The following FMN1 variants were observed in gnomAD, a reference collection of about 807,000 sequenced individuals.
FMN1 encodes formin-1.
FMN1 carries 110 observed loss-of-function variants against 132.4 expected under a neutral mutation model. The observed-to-expected ratio is 0.83, with a 90% confidence interval of 0.71 to 0.97. The LOEUF (loss-of-function observed/expected upper bound fraction) is 0.97. FMN1 is among the 50% of genes least tolerant of loss of function. The pLI, the probability that FMN1 is intolerant of heterozygous loss-of-function variation, is 0.00. For missense variants in FMN1, 1,792 were observed against 1,705.3 expected (o/e 1.05, Z -0.90); for synonymous variants, 722 against 651.7 (o/e 1.11, Z -1.64).
chr15:32,908,286 A>C (rs1396912749), intron 12 of FMN1: 2 of 506,138 alleles, frequency 4.0e-6, no homozygotes, highest in East Asian at 6.4e-5. Context: ...GGGGGGTGAG[A>C]CACACTGTAT....
chr15:32,823,146 TCTA>T lies in FMN1; in HGVS notation c.3929-18817_3929-18815del, dbSNP rs1398106383. On this transcript the variant is annotated intron_variant, in intron 17 of 20. Coordinates refer to ENST00000616417, the MANE Select transcript of FMN1 (RefSeq NM_001277313.2). Reference sequence around the variant, plus strand: ...TGGTCTGTCTCAAAGACAGAGAGTTTCTACTGTTTTTTTTTTTTTTTTTTTTTT... The same window carrying T: ...TGGTCTGTCTCAAAGACAGAGAGTTTCTGTTTTTTTTTTTTTTTTTTTTTT... 6.6e-5 allele frequency among the ~76,000 whole-genome samples: 9 copies of T among 135,652 alleles called. No individual in the cohort carries two copies. In the South Asian group the frequency reaches 2.1e-3, roughly 31 times the overall value. 89.0% of individuals were successfully genotyped at this position (135,652 alleles called of 152,430 possible). A position where few individuals can be genotyped will look rare whatever the true frequency, so the allele number is the denominator to read the frequency against.
chr15:32,982,840 C>A (rs546627621), intron 7 of FMN1, among the ~76,000 whole-genome samples: 1 of 152,104 alleles, frequency 6.6e-6, no homozygotes, highest in Non-Finnish European at 1.5e-5. Flanking sequence ...CCCCAGCCCT[C>A]CTGAATCTCA....
intron 9 of FMN1, among the ~76,000 whole-genome samples, chr15:32,930,836 A>C (rs929731017): frequency 6.6e-6 from 1 of 152,024 alleles, no homozygotes; most frequent in Non-Finnish European, 1.5e-5. Context: ...TCTCACATTT[A>C]AGTTTCTAAT....
intron 4 of FMN1, among the ~76,000 whole-genome samples, chr15:33,149,036 T>C (rs889744943): frequency 1.0e-4 from 15 of 145,606 alleles, no homozygotes; most frequent in African/African-American, 3.8e-4. Context: ...AGTAGTTAAA[T>C]CACTCTTGAA....
At chr15:32,922,566 C>G (rs994505321) in intron 10 of FMN1, among the ~76,000 whole-genome samples, 3 of 151,854 alleles carry the variant, frequency 2.0e-5, no homozygotes, top group Non-Finnish European at 2.9e-5. Context: ...AGAAGTGCTC[C>G]TCTTACAAAA....
intron 10 of FMN1, among the ~76,000 whole-genome samples, chr15:32,913,105 G>C (rs568227758): frequency 6.6e-6 from 1 of 152,146 alleles, no homozygotes; most frequent in African/African-American, 2.4e-5. Flanking sequence ...TTCTGATCGC[G>C]GTTACTAGGA....
chr15:32,956,590 C>A (rs2061774662), intron 9 of FMN1, among the ~76,000 whole-genome samples: 1 of 152,036 alleles, frequency 6.6e-6, no homozygotes, highest in Admixed American at 6.6e-5. Flanking sequence ...CTAGTTTAGG[C>A]CCCCAGGTCA....
At chr15:32,926,475 C>CAA (rs929854077) in intron 9 of FMN1, among the ~76,000 whole-genome samples, 1 of 152,170 alleles carries the variant, frequency 6.6e-6, no homozygotes, top group African/African-American at 2.4e-5. Context: ...AACAAACACA[C>CAA]AAAATTCCAT....
intron 5 of FMN1, among the ~76,000 whole-genome samples, chr15:33,082,141 G>A (rs2038504373): frequency 6.7e-6 from 1 of 148,432 alleles, no homozygotes; most frequent in African/African-American, 2.5e-5. Context: ...GTAAGACAGA[G>A]TCTCGCTCTG....
Position 33,152,401 on chromosome 15 carries a change from A to G in FMN1, c.1867+647T>C, listed in dbSNP as rs867522673. 2.0e-5 allele frequency among the ~76,000 whole-genome samples: 3 copies of G among 152,230 alleles called. No individual in the cohort carries two copies. The South Asian group carries it at 6.2e-4, about 31-fold the overall frequency. On this transcript the variant is annotated intron_variant, in intron 4 of 20. Transcript: ENST00000616417. ...AAAAGATACCTACGGAATAAAGTCA[A>G]TTTGTGCTTATTTGGGAAATTTAAA...
At chr15:33,077,906 A>G (rs1234463485) in intron 5 of FMN1, among the ~76,000 whole-genome samples, 1 of 152,188 alleles carries the variant, frequency 6.6e-6, no homozygotes, top group Non-Finnish European at 1.5e-5. Flanking sequence ...ATCACTGGCC[A>G]TCAGAAAAAT....
intron 19 of FMN1, among the ~76,000 whole-genome samples, chr15:32,778,891 T>C (rs2056575347): frequency 6.6e-6 from 1 of 152,108 alleles, no homozygotes; most frequent in African/African-American, 2.4e-5. Context: ...CCACTATTTA[T>C]AGTAATCAAG....
chr15:32,926,265 A>T lies in FMN1; in HGVS notation c.3139-4T>A. On this transcript the variant is annotated splice_polypyrimidine_tract_variant and splice_region_variant and intron_variant, in intron 9 of 20. Transcript: ENST00000616417. Reference sequence around the variant, plus strand: ...TTCCATCCAACAATTTGATGATCTAAAATTAGAAAAAAAAAAAAAAGAATA... The same window carrying T: ...TTCCATCCAACAATTTGATGATCTATAATTAGAAAAAAAAAAAAAAGAATA... 1.4e-6 allele frequency: 2 copies of T among 1,470,264 alleles called. No homozygotes were observed. The highest frequency in any genetic ancestry group is 1.8e-6 in the Non-Finnish European group (2 of 1,086,638). 91.1% of individuals were successfully genotyped at this position (1,470,264 alleles called of 1,614,324 possible).
At chr15:33,000,600 G>T (rs1024401871) in intron 7 of FMN1, among the ~76,000 whole-genome samples, 1 of 152,138 alleles carries the variant, frequency 6.6e-6, no homozygotes, top group African/African-American at 2.4e-5. Context: ...GGGCAACATG[G>T]AGAAACTCCA....
At chr15:32,989,976 G>A (rs2033335024) in intron 7 of FMN1, among the ~76,000 whole-genome samples, 1 of 152,164 alleles carries the variant, frequency 6.6e-6, no homozygotes, top group Non-Finnish European at 1.5e-5. Context: ...GGAAGAGGAG[G>A]AGGATTCAGA....
chr15:32,943,612 AT>A (rs2061443646), intron 9 of FMN1, among the ~76,000 whole-genome samples: 1 of 152,188 alleles, frequency 6.6e-6, no homozygotes, highest in Non-Finnish European at 1.5e-5. Context: ...GTAGAATCCT[AT>A]GTTAGAGATG....
At chr15:33,158,652 A>G (rs1964772833) in intron 3 of FMN1, among the ~76,000 whole-genome samples, 1 of 152,206 alleles carries the variant, frequency 6.6e-6, no homozygotes, top group Non-Finnish European at 1.5e-5. Context: ...GAAACTTTGT[A>G]CTGAACTAGA....
chr15:33,112,780 G>A (rs903231671), intron 4 of FMN1, among the ~76,000 whole-genome samples: 1 of 152,300 alleles, frequency 6.6e-6, no homozygotes, highest in East Asian at 1.9e-4. Flanking sequence ...CATGGGAAAT[G>A]TGGGTTGCTA....
At chr15:33,028,904 C>G (rs983654629) in intron 6 of FMN1, among the ~76,000 whole-genome samples, 3 of 152,186 alleles carry the variant, frequency 2.0e-5, no homozygotes, top group South Asian at 4.1e-4. Flanking sequence ...GTCCAAACAA[C>G]AAGTCATTTT....
Sources: gnomAD v4.1 joint callset for allele counts (sites outside exome capture counted in the v4.1 genomes callset) on GRCh38, gnomAD v4.1.1 for gene constraint, MANE v1.5 for transcripts, NCBI Gene and HGNC (gene_info 2026-07-23, HGNC 2026-07-21) for gene names.